Variants in DYNC1I1 observed in about 807,000 individuals in gnomAD.
DYNC1I1 encodes the protein cytoplasmic dynein 1 intermediate chain 1.
A neutral mutation model predicts 86.6 loss-of-function variants in DYNC1I1; 43 were observed. That is an observed-to-expected ratio of 0.50 (90% confidence interval 0.39 to 0.64). The LOEUF is 0.64. Among genes scored for constraint, DYNC1I1 ranks in the 30% least tolerant of loss-of-function variants. DYNC1I1 has a pLI of 0.00. For synonymous variants in DYNC1I1, 262 were observed against 283.7 expected, an observed-to-expected ratio of 0.92 and a Z score of 0.77; for missense variants, 604 against 788.8, an observed-to-expected ratio of 0.77 and a Z score of 2.81.
At chr7:95,946,028 T>A (rs1330025051) in intron 6 of DYNC1I1, among the ~76,000 whole-genome samples, 1 of 152,046 alleles carries the variant, frequency 6.6e-6, no homozygotes, top group East Asian at 1.9e-4. Context: ...TGGAAGCCAT[T>A]ATCCTCACCA....
At chr7:96,050,786 T>G (rs897755594) in intron 14 of DYNC1I1, among the ~76,000 whole-genome samples, 1 of 152,226 alleles carries the variant, frequency 6.6e-6, no homozygotes. Context: ...ACTTTGCTGC[T>G]TTAATAATGT....
chr7:95,929,055 T>G (rs1017600908), intron 6 of DYNC1I1, among the ~76,000 whole-genome samples: 3 of 152,306 alleles, frequency 2.0e-5, no homozygotes, highest in African/African-American at 7.2e-5. Flanking sequence ...TAAAGTGTCC[T>G]TTGGAAAACT....
chr7:95,967,942 A>G (rs1336124161), intron 6 of DYNC1I1, among the ~76,000 whole-genome samples: 1 of 152,186 alleles, frequency 6.6e-6, no homozygotes, highest in African/African-American at 2.4e-5. Context: ...AGTAGAGGAC[A>G]TTTAAACAGG....
At chr7:96,091,696 A>G (rs1790852481) in intron 16 of DYNC1I1, among the ~76,000 whole-genome samples, 1 of 152,232 alleles carries the variant, frequency 6.6e-6, no homozygotes, top group Non-Finnish European at 1.5e-5. Context: ...CTAAAAAATG[A>G]GGAAGGTTTG....
intron 6 of DYNC1I1, among the ~76,000 whole-genome samples, chr7:95,974,970 G>A (rs1469239060): frequency 6.6e-6 from 1 of 152,094 alleles, no homozygotes; most frequent in Non-Finnish European, 1.5e-5. Context: ...TGGTTCAGGA[G>A]GCAGTTTGCA....
At chr7:95,983,406 G>T (rs1288250211) in intron 7 of DYNC1I1, among the ~76,000 whole-genome samples, 1 of 152,126 alleles carries the variant, frequency 6.6e-6, no homozygotes, top group Non-Finnish European at 1.5e-5. Flanking sequence ...ATATTACCTG[G>T]AGAGCATTTC....
At chr7:95,820,397 A>G (rs916667717) in intron 4 of DYNC1I1, among the ~76,000 whole-genome samples, 4 of 152,228 alleles carry the variant, frequency 2.6e-5, no homozygotes, top group African/African-American at 7.2e-5. Context: ...TGGAAACGGC[A>G]TTTTAAAAAT....
chr7:96,025,774 G>C (rs1002704869), intron 10 of DYNC1I1, among the ~76,000 whole-genome samples: 1 of 150,966 alleles, frequency 6.6e-6, no homozygotes, highest in African/African-American at 2.4e-5. Context: ...ATGTGTTTCA[G>C]TTTTATATAA....
At chr7:95,962,541 A>G (rs1288708029) in intron 6 of DYNC1I1, among the ~76,000 whole-genome samples, 1 of 152,062 alleles carries the variant, frequency 6.6e-6, no homozygotes, top group African/African-American at 2.4e-5. Context: ...ACCAAGAAGC[A>G]GTAATTATTA....
chr7:95,821,702 T>C (rs1795079942), intron 4 of DYNC1I1, among the ~76,000 whole-genome samples: 1 of 152,114 alleles, frequency 6.6e-6, no homozygotes, highest in African/African-American at 2.4e-5. Flanking sequence ...ATTATTATTA[T>C]TATTATTGAC....
Position 95,808,318 on chromosome 7 carries a change from C to G in DYNC1I1, c.109-2074C>G, listed in dbSNP as rs3757692. On this transcript the variant is annotated intron_variant, in intron 2 of 16. Coordinates refer to ENST00000447467, the MANE Select transcript of DYNC1I1 (RefSeq NM_001135556.2). ...GCTCTTTAATACTAAACTAAGTGCC[C>G]TTTTTTTGCCATGAATATAAAAACT... is the stretch of plus-strand genomic sequence containing the variant. Among the ~76,000 whole-genome samples, 970 of 152,076 alleles carry G rather than the reference C, an allele frequency of 6.4e-3. 21 individuals carry two copies. The highest frequency in any genetic ancestry group is 0.03 in the East Asian group (153 of 5,178).
At chr7:96,010,032 G>A (rs1794236991) in intron 10 of DYNC1I1, among the ~76,000 whole-genome samples, 1 of 151,966 alleles carries the variant, frequency 6.6e-6, no homozygotes, top group South Asian at 2.1e-4. Context: ...ACCCGTCTCG[G>A]CCTCCCCAGA....
chr7:96,035,853 T>G, intron 13 of DYNC1I1, 101 bp downstream of exon 13: 18 of 1,539,470 alleles, frequency 1.2e-5, no homozygotes, highest in Admixed American at 2.1e-5. Context: ...AAAGCATCTC[T>G]GGAAAAATGG....
intron 2 of DYNC1I1, among the ~76,000 whole-genome samples, chr7:95,805,134 C>T (rs1033929618): frequency 1.3e-5 from 2 of 152,084 alleles, no homozygotes; most frequent in Non-Finnish European, 2.9e-5. Flanking sequence ...TTGTTAGAAA[C>T]TTCTTAACCT....
At chr7:96,067,724 C>T (rs986756973) in intron 14 of DYNC1I1, among the ~76,000 whole-genome samples, 11 of 152,154 alleles carry the variant, frequency 7.2e-5, no homozygotes, top group Non-Finnish European at 1.3e-4. Flanking sequence ...GCTGACTGGG[C>T]TTTTCCATTG....
chr7:95,857,708 C>A (rs1203181775), intron 5 of DYNC1I1, among the ~76,000 whole-genome samples: 1 of 152,122 alleles, frequency 6.6e-6, no homozygotes, highest in African/African-American at 2.4e-5. Flanking sequence ...TTGTTTCCAC[C>A]ATAGGGAGGT....
At chr7:95,787,518 C>A (rs559585292) in intron 1 of DYNC1I1, among the ~76,000 whole-genome samples, 1 of 152,060 alleles carries the variant, frequency 6.6e-6, no homozygotes, top group South Asian at 2.1e-4. Context: ...AATCCTAAAA[C>A]CAATGGAGCG....
At chr7:95,935,801 A>C (rs551457168) in intron 6 of DYNC1I1, among the ~76,000 whole-genome samples, 1 of 152,188 alleles carries the variant, frequency 6.6e-6, no homozygotes, top group African/African-American at 2.4e-5. Context: ...CGACAGATTT[A>C]AATAGACATT....
intron 6 of DYNC1I1, among the ~76,000 whole-genome samples, chr7:95,892,591 G>A (rs185945330): frequency 9.2e-5 from 14 of 152,266 alleles, no homozygotes; most frequent in Non-Finnish European, 1.9e-4. Context: ...GATTACAGGT[G>A]TAAGCCACCG....
Sources: allele counts gnomAD v4.1 joint callset (sites outside exome capture counted in the v4.1 genomes callset), GRCh38; gene constraint gnomAD v4.1.1; transcripts MANE v1.5; gene names NCBI Gene and HGNC (gene_info 2026-07-23, HGNC 2026-07-21).